The following LAMA4 variants were observed in gnomAD, a reference collection of about 807,000 sequenced individuals.
LAMA4 encodes laminin subunit alpha-4.
LAMA4 carries 127 observed loss-of-function variants against 207.1 expected under a neutral mutation model. The ratio of observed to expected loss-of-function variants is 0.61; its 90% CI spans 0.53 to 0.71. The LOEUF is 0.71. Among genes scored for constraint, LAMA4 ranks in the 30% least tolerant of loss-of-function variants. The pLI is 0.00. For synonymous variants in LAMA4, 761 were observed against 816.0 expected (o/e 0.93, Z 1.15); for missense variants, 2,093 against 2,246.5 (o/e 0.93, Z 1.38).
intron 5 of LAMA4, among the ~76,000 whole-genome samples, chr6:112,196,731 TGGGGGTAAAAC>T (rs1783440852): frequency 6.6e-6 from 1 of 152,126 alleles, no homozygotes; most frequent in African/African-American, 2.4e-5. Context: ...GGTGGGAGAT[TGGGGGTAAAAC>T]AGGGCAAGGA....
At chr6:112,230,732 A>G (rs577478549) in intron 2 of LAMA4, among the ~76,000 whole-genome samples, 2 of 152,182 alleles carry the variant, frequency 1.3e-5, no homozygotes, top group South Asian at 4.2e-4. Flanking sequence ...GGAAGACTTA[A>G]CTCCCTGAGC....
chr6:112,169,708 T>C (rs1462322549), intron 12 of LAMA4, among the ~76,000 whole-genome samples: 8 of 152,230 alleles, frequency 5.3e-5, no homozygotes, highest in Non-Finnish European at 1.0e-4. Context: ...GAAGGGTTTG[T>C]TTGGTAAAGT....
At chr6:112,169,675 A>G (rs1375397439) in intron 12 of LAMA4, among the ~76,000 whole-genome samples, 3 of 152,220 alleles carry the variant, frequency 2.0e-5, no homozygotes, top group Non-Finnish European at 2.9e-5. Flanking sequence ...AATCTTGCTC[A>G]TGCTGTTCAT....
At chr6:112,111,103 T>C (rs1777666582) in intron 38 of LAMA4, among the ~76,000 whole-genome samples, 1 of 152,188 alleles carries the variant, frequency 6.6e-6, no homozygotes, top group African/African-American at 2.4e-5. Flanking sequence ...TGCAGCGGTG[T>C]GATCTGTGCT....
rs1784389353 is a variant in LAMA4, at chr6:112,212,224, T to C, written c.297+4144A>G. Among the ~76,000 whole-genome samples the C allele has an allele frequency of 3.4e-5, 4 of 119,318 alleles. 1 individual carries two copies. In the South Asian group the frequency reaches 9.8e-4, roughly 29 times the overall value. 78.3% of individuals were successfully genotyped at this position (119,318 alleles called of 152,430 possible). A position where few individuals can be genotyped will look rare whatever the true frequency, so the allele number is the denominator to read the frequency against. ...ACTCATTACTTGCATTCAGTTTCTG[T>C]CATTTTTTTTTTTTTTTTTAACAGA... On this transcript the variant is annotated intron_variant, in intron 3 of 38. Transcript: ENST00000230538.
At chr6:112,179,846 T>C (rs1782242404) in intron 9 of LAMA4, 1 of 514,966 alleles carries the variant, frequency 1.9e-6, no homozygotes. Flanking sequence ...GGCAATGTGG[T>C]CATCAGTCCC....
intron 2 of LAMA4, among the ~76,000 whole-genome samples, chr6:112,224,755 G>T (rs1439253123): frequency 6.7e-6 from 1 of 148,718 alleles, no homozygotes; most frequent in Non-Finnish European, 1.5e-5. Context: ...GGCGGAGGTT[G>T]CAGTGAGCCG....
intron 4 of LAMA4, among the ~76,000 whole-genome samples, chr6:112,206,687 G>C (rs1784076700): frequency 1.3e-5 from 2 of 152,192 alleles, no homozygotes; most frequent in Non-Finnish European, 2.9e-5. Context: ...TAATGAGTCT[G>C]TTGGGATTAC....
In LAMA4 at chr6:112,207,072, C is replaced by G; in HGVS notation, c.371G>C (p.Gly124Ala). Residue 124 changes from glycine (G) to alanine (A), a missense_variant, in exon 4 of 39, where the codon GGA becomes GCA. Around this residue, in one of 3 missense-constraint regions of LAMA4, gnomAD observed 1,704 missense variants for 1,788.4 expected, o/e 0.95. Transcript: ENST00000230538. ...LDGYIGDSIR[G>A]APQFCQPCPC... is the part of the protein sequence containing the mutation. ...GCACGGCTGGCAGAATTGGGGTGCT[C>G]CCCTGATGGAATCTCCGATATAACC... 3 of 1,613,964 alleles carry G rather than the reference C, an allele frequency of 1.9e-6. No homozygotes were observed. Among genetic ancestry groups the G allele is most frequent in the Non-Finnish European group, 2.5e-6 (3 of 1,179,968 alleles).
At chr6:112,126,579 A>T (rs1418341593) in intron 31 of LAMA4, among the ~76,000 whole-genome samples, 2 of 152,232 alleles carry the variant, frequency 1.3e-5, no homozygotes, top group African/African-American at 4.8e-5. Flanking sequence ...AGAAGTTTCA[A>T]GAGGATTGAA....
intron 2 of LAMA4, among the ~76,000 whole-genome samples, chr6:112,222,421 T>C (rs1784973965): frequency 6.6e-6 from 1 of 152,176 alleles, no homozygotes; most frequent in African/African-American, 2.4e-5. Flanking sequence ...CCTAGAGAGT[T>C]ACCTTTGTGC....
intron 3 of LAMA4, among the ~76,000 whole-genome samples, chr6:112,212,065 G>A (rs1173289339): frequency 6.6e-6 from 1 of 152,028 alleles, no homozygotes; most frequent in Non-Finnish European, 1.5e-5. Context: ...TGAAACTGAT[G>A]GTTGGGGAGG....
At chr6:112,186,497 T>C (rs1782691465) in intron 8 of LAMA4, among the ~76,000 whole-genome samples, 1 of 152,240 alleles carries the variant, frequency 6.6e-6, no homozygotes, top group South Asian at 2.1e-4. Flanking sequence ...GAAAGAAAAC[T>C]TGTAAATCTT....
At chr6:112,169,799 A>G (rs1318720005) in intron 12 of LAMA4, among the ~76,000 whole-genome samples, 1 of 152,234 alleles carries the variant, frequency 6.6e-6, no homozygotes, top group Admixed American at 6.5e-5. Flanking sequence ...AAAAATCTGT[A>G]TAAGTTTATT....
intron 2 of LAMA4, among the ~76,000 whole-genome samples, chr6:112,253,131 A>G (rs1554190192): frequency 6.6e-6 from 1 of 152,116 alleles, no homozygotes; most frequent in African/African-American, 2.4e-5. Flanking sequence ...TGCTAGGTCA[A>G]TTGCTCCTTC....
intron 31 of LAMA4, among the ~76,000 whole-genome samples, chr6:112,127,676 A>T (rs1778783828): frequency 6.6e-6 from 1 of 152,122 alleles, no homozygotes; most frequent in Non-Finnish European, 1.5e-5. Flanking sequence ...GTTTATAAGG[A>T]TCTGACTGTA....
At chr6:112,188,679 A>C (rs1323719455) in intron 7 of LAMA4, among the ~76,000 whole-genome samples, 1 of 152,224 alleles carries the variant, frequency 6.6e-6, no homozygotes, top group Admixed American at 6.5e-5. Flanking sequence ...TTCTGCTCCC[A>C]CTTCAGATTT....
At chr6:112,171,395 G>A (rs1685750057) in intron 12 of LAMA4, among the ~76,000 whole-genome samples, 1 of 152,128 alleles carries the variant, frequency 6.6e-6, no homozygotes, top group South Asian at 2.1e-4. Flanking sequence ...TGGCAGGGTG[G>A]AGAGGATGTT....
At chr6:112,141,530 T>G in intron 20 of LAMA4, 27 bp from the exon 21 acceptor site, 1 of 1,522,618 alleles carries the variant, frequency 6.6e-7, no homozygotes, top group Non-Finnish European at 9.1e-7. Context: ...TAAGAAGTCA[T>G]TTAAATAAAA....
Sources: allele counts gnomAD v4.1 joint callset (sites outside exome capture counted in the v4.1 genomes callset), GRCh38; gene constraint gnomAD v4.1.1; regional missense constraint gnomAD v4.1.1; transcripts MANE v1.5; gene names NCBI Gene and HGNC (gene_info 2026-07-23, HGNC 2026-07-21).